The following USP12 variants were observed in gnomAD, a reference collection of about 807,000 sequenced individuals.
USP12 encodes the protein ubiquitin carboxyl-terminal hydrolase 12.
A neutral mutation model predicts 45.5 loss-of-function variants in USP12; 19 were observed. That is an observed-to-expected ratio of 0.42 (90% CI 0.29 to 0.61). The LOEUF is 0.61. USP12 is among the 20% of genes least tolerant of loss of function. USP12 has a pLI of 0.22. For missense variants in USP12, 242 were observed against 447.7 expected (o/e 0.54, Z 4.15); for synonymous variants, 149 against 148.8 (o/e 1.00, Z -0.01).
chr13:27,142,264 C>T (rs1474865398), intron 1 of USP12, among the ~76,000 whole-genome samples: 4 of 151,984 alleles, frequency 2.6e-5, no homozygotes, highest in South Asian at 2.1e-4. Flanking sequence ...AACTGAGGAA[C>T]GGTATACCAA....
At chr13:27,093,933 G>A (rs1849073729) in intron 4 of USP12, among the ~76,000 whole-genome samples, 1 of 152,126 alleles carries the variant, frequency 6.6e-6, no homozygotes, top group African/African-American at 2.4e-5. Flanking sequence ...ATCCAAACAG[G>A]CTGCATACTA....
chr13:27,072,103 CT>C (rs112073097), intron 7 of USP12, among the ~76,000 whole-genome samples: 12,924 of 146,262 alleles, frequency 0.088, 608 homozygotes, highest in Middle Eastern at 0.11. Context: ...AACAAAAATA[CT>C]TTTTTTTTTT....
intron 6 of USP12, among the ~76,000 whole-genome samples, chr13:27,086,951 C>G (rs1593176739): frequency 6.6e-6 from 1 of 152,206 alleles, no homozygotes; most frequent in Non-Finnish European, 1.5e-5. Flanking sequence ...TAGGAAATGT[C>G]TGTGTCCAAA....
At chr13:27,155,614 T>C (rs115888599) in intron 1 of USP12, among the ~76,000 whole-genome samples, 2,460 of 152,328 alleles carry the variant, frequency 0.016, 68 homozygotes, top group African/African-American at 0.056. Flanking sequence ...TTGAAGTTGC[T>C]TTTGTAAAAG....
chr13:27,146,426 G>A lies in USP12; in HGVS notation c.48+25166C>T, dbSNP rs116811477. On this transcript the variant is annotated intron_variant, in intron 1 of 8. Coordinates refer to ENST00000282344, the MANE Select transcript of USP12 (RefSeq NM_182488.4). ...CAAAAAAAAGCACCTATGTAATAACGCACACGGCTAAAGGCTAGGGGTATA... is the reference window on the plus strand; with the variant it reads ...CAAAAAAAAGCACCTATGTAATAACACACACGGCTAAAGGCTAGGGGTATA... 3.4e-3 allele frequency among the ~76,000 whole-genome samples: 510 copies of A among 151,944 alleles called. 5 individuals are homozygous for A. Among genetic ancestry groups the A allele is most frequent in the African/African-American group, 0.011 (476 of 41,406 alleles).
At chr13:27,102,999 A>C (rs905050017) in intron 3 of USP12, among the ~76,000 whole-genome samples, 2 of 152,260 alleles carry the variant, frequency 1.3e-5, no homozygotes, top group African/African-American at 4.8e-5. Flanking sequence ...TGATTAGGTA[A>C]CATGAGTTAA....
intron 1 of USP12, among the ~76,000 whole-genome samples, chr13:27,144,092 C>T (rs1250686502): frequency 1.3e-5 from 2 of 152,004 alleles, no homozygotes; most frequent in Admixed American, 6.6e-5. Context: ...TAGTCCCAGC[C>T]TCTCGGGAGG....
At chr13:27,141,069 G>A (rs988367046) in intron 1 of USP12, among the ~76,000 whole-genome samples, 14 of 146,314 alleles carry the variant, frequency 9.6e-5, no homozygotes, top group African/African-American at 2.3e-4. Flanking sequence ...AGGCTGGAGC[G>A]CAGTGGCACA....
intron 8 of USP12, among the ~76,000 whole-genome samples, chr13:27,070,335 C>A (rs1193486624): frequency 6.6e-6 from 1 of 152,092 alleles, no homozygotes; most frequent in African/African-American, 2.4e-5. Context: ...GAAGGAGGAA[C>A]AAGGGGGCCT....
intron 1 of USP12, among the ~76,000 whole-genome samples, chr13:27,142,475 A>G (rs1308362221): frequency 1.3e-5 from 2 of 152,230 alleles, no homozygotes; most frequent in African/African-American, 4.8e-5. Flanking sequence ...AAATTATACC[A>G]TCTTTATGAA....
intron 1 of USP12, among the ~76,000 whole-genome samples, chr13:27,153,016 T>A (rs180982712): frequency 6.6e-6 from 1 of 151,764 alleles, no homozygotes; most frequent in Non-Finnish European, 1.5e-5. Context: ...TTTTGATTAA[T>A]TGTTTACATT....
intron 1 of USP12, among the ~76,000 whole-genome samples, chr13:27,159,187 A>T (rs1877985807): frequency 6.6e-6 from 1 of 152,228 alleles, no homozygotes; most frequent in Admixed American, 6.5e-5. Flanking sequence ...TAAGGTAATC[A>T]GATATCACAT....
chr13:27,093,555 T>C (rs1478724301), intron 4 of USP12, among the ~76,000 whole-genome samples: 1 of 152,124 alleles, frequency 6.6e-6, no homozygotes, highest in Non-Finnish European at 1.5e-5. Context: ...AAACAAGAAC[T>C]CTCATTCACT....
intron 6 of USP12, among the ~76,000 whole-genome samples, chr13:27,076,087 T>A (rs1261405251): frequency 6.6e-6 from 1 of 150,630 alleles, no homozygotes; most frequent in East Asian, 1.9e-4. Context: ...AACTGACAAT[T>A]CCTTTGGACT....
At chr13:27,140,614 C>T (rs1169982659) in intron 1 of USP12, among the ~76,000 whole-genome samples, 1 of 152,144 alleles carries the variant, frequency 6.6e-6, no homozygotes, top group East Asian at 1.9e-4. Flanking sequence ...AGATACTATC[C>T]TAATTTTATA....
At chr13:27,135,032 C>T (rs1352753152) in intron 1 of USP12, among the ~76,000 whole-genome samples, 1 of 152,172 alleles carries the variant, frequency 6.6e-6, no homozygotes, top group Non-Finnish European at 1.5e-5. Flanking sequence ...TGACTGCAAT[C>T]CCAGCACTTT....
chr13:27,157,327 C>T lies in USP12; in HGVS notation c.48+14265G>A, dbSNP rs1877885398. Among the ~76,000 whole-genome samples the T allele has an allele frequency of 3.9e-5, 6 of 152,140 alleles. No homozygotes were observed. The South Asian group carries it at 1.2e-3, about 32-fold the overall frequency. ...TGTAGTTGAAATGGACCTAAGATCA[C>T]AAAGAGGTGTATATAATCCCGTCAT... On this transcript the variant is annotated intron_variant, in intron 1 of 8. Transcript: ENST00000282344.
chr13:27,148,676 T>TTATATA (rs59164229), intron 1 of USP12, among the ~76,000 whole-genome samples: 5,829 of 139,312 alleles, frequency 0.042, 162 homozygotes, highest in African/African-American at 0.062. Flanking sequence ...AAAAAAAAAA[T>TTATATA]TATATATATA....
In USP12 at chr13:27,067,249, C is replaced by T. The variant is rs187373635; in HGVS notation, c.*2034G>A. On this transcript the variant is annotated 3_prime_UTR_variant, in exon 9 of 9. Transcript: ENST00000282344. ...TTGATATAGCTAATGTTAAAACTGA[C>T]ACAGCTTCACTTTCCTCTTTTTCTC... is the stretch of plus-strand genomic sequence containing the variant. 2 of 152,244 alleles carry T rather than the reference C, an allele frequency of 1.3e-5. No homozygotes were observed. The highest frequency in any genetic ancestry group is 3.9e-4 in the East Asian group (2 of 5,192). The allele number at this position is 152,244 out of a possible 1,614,324, so 9.4% of individuals were successfully genotyped here. A position where few individuals can be genotyped will look rare whatever the true frequency, so the allele number is the denominator to read the frequency against.
Sources: allele counts gnomAD v4.1 joint callset (sites outside exome capture counted in the v4.1 genomes callset), GRCh38; gene constraint gnomAD v4.1.1; transcripts MANE v1.5; gene names NCBI Gene and HGNC (gene_info 2026-07-23, HGNC 2026-07-21).